Variants in SVIL observed in about 807,000 individuals in gnomAD.
The protein encoded by SVIL is supervillin.
A neutral mutation model predicts 240.4 loss-of-function variants in SVIL; 101 were observed. The ratio of observed to expected loss-of-function variants is 0.42; its 90% CI spans 0.36 to 0.50. The LOEUF (loss-of-function observed/expected upper bound fraction) is 0.50, where lower values mean the gene tolerates loss of function less well. Among genes scored for constraint, SVIL ranks in the 20% least tolerant of loss-of-function variants. The pLI, the probability that SVIL is intolerant of heterozygous loss-of-function variation, is 0.01. For missense variants in SVIL, 2,512 were observed against 2,818.7 expected (o/e 0.89, Z 2.46); for synonymous variants, 999 against 1,100.0 (o/e 0.91, Z 1.82).
At position 29,513,005 on chromosome 10, in the gene SVIL, G is replaced by T. The variant is rs1260365493; in HGVS notation, c.3390-144C>A. 5.4e-5 allele frequency: 68 copies of T among 1,247,966 alleles called. No homozygotes were observed. The East Asian group carries it at 1.3e-3, about 24-fold the overall frequency. The allele number at this position is 1,247,966 out of a possible 1,614,324, so 77.3% of individuals were successfully genotyped here. A position where few individuals can be genotyped will look rare whatever the true frequency, so the allele number is the denominator to read the frequency against. ...TAACATTTTGAATTTCATTTATTCGGAAGACAGCATGTCTGGAAAAATAAT... is the reference window on the plus strand; with the variant it reads ...TAACATTTTGAATTTCATTTATTCGTAAGACAGCATGTCTGGAAAAATAAT... On this transcript the variant is annotated intron_variant, in intron 16 of 37. Coordinates refer to ENST00000355867, the MANE Select transcript of SVIL (RefSeq NM_021738.3).
intron 1 of SVIL, among the ~76,000 whole-genome samples, chr10:29,729,750 CT>C (rs1964507287): frequency 1.4e-5 from 2 of 142,562 alleles, no homozygotes; most frequent in South Asian, 4.7e-4. Context: ...GGGAGAACCG[CT>C]TGAACCCAGG....
chr10:29,517,259 A>C (rs1364935659), intron 16 of SVIL, among the ~76,000 whole-genome samples: 2 of 151,936 alleles, frequency 1.3e-5, no homozygotes, highest in East Asian at 1.9e-4. Flanking sequence ...CAAAAAAATA[A>C]AAATAAAAAA....
At chr10:29,510,520 A>G (rs1321692368) in intron 17 of SVIL, among the ~76,000 whole-genome samples, 1 of 150,694 alleles carries the variant, frequency 6.6e-6, no homozygotes. Flanking sequence ...CTCTCAGCAC[A>G]CAAAAGGAAC....
intron 1 of SVIL, among the ~76,000 whole-genome samples, chr10:29,700,458 TTAC>T: frequency 1.4e-5 from 2 of 145,452 alleles, no homozygotes; most frequent in East Asian, 4.1e-4. Context: ...GAAGAAATTC[TTAC>T]TATTTCCTTT....
chr10:29,557,502 C>A (rs1056886415), intron 3 of SVIL, among the ~76,000 whole-genome samples: 1 of 152,164 alleles, frequency 6.6e-6, no homozygotes, highest in African/African-American at 2.4e-5. Context: ...TTAAGATAGA[C>A]TTTTCTTGGT....
chr10:29,528,781 C>T (rs2132551299), intron 12 of SVIL, among the ~76,000 whole-genome samples: 2 of 152,236 alleles, frequency 1.3e-5, no homozygotes, highest in South Asian at 4.1e-4. Flanking sequence ...AAATTTTTCA[C>T]TTGATTGAAG....
In SVIL at chr10:29,506,399, C is replaced by T. The variant is rs1949275764; in HGVS notation, c.3516+6336G>A. On this transcript the variant is annotated intron_variant, in intron 17 of 37. Transcript: ENST00000355867. ...AGGAACCAGGAGAGTGAGGGAAAGG[C>T]CGCCCCAGGGAGAAGAAGTGGGGAG... Among the ~76,000 whole-genome samples the T allele has an allele frequency of 2.0e-5, 3 of 152,156 alleles. 1 individual carries two copies. In the South Asian group the frequency reaches 6.2e-4, roughly 32 times the overall value.
At chr10:29,530,720 C>T (rs372842415) in intron 10 of SVIL, 52 bp from the exon 11 acceptor site, 1,173 of 1,606,602 alleles carry the variant, frequency 7.3e-4, no homozygotes, top group Admixed American at 1.1e-3. Flanking sequence ...AGGTTAAGTT[C>T]GGTCTCCAAA....
At chr10:29,679,797 A>G (rs374522919) in intron 2 of SVIL, among the ~76,000 whole-genome samples, 82 of 151,872 alleles carry the variant, frequency 5.4e-4, no homozygotes, top group African/African-American at 1.9e-3. Flanking sequence ...CCTTTACAGA[A>G]GTTCGTTTAC....
intron 1 of SVIL, among the ~76,000 whole-genome samples, chr10:29,611,727 T>C (rs1403992788): frequency 6.6e-6 from 1 of 152,072 alleles, no homozygotes; most frequent in Non-Finnish European, 1.5e-5. Context: ...CAAAGGAGCA[T>C]CTCAGAAGCG....
At chr10:29,630,963 T>G (rs1589424268) in intron 1 of SVIL, among the ~76,000 whole-genome samples, 2 of 152,194 alleles carry the variant, frequency 1.3e-5, no homozygotes, top group South Asian at 4.1e-4. Flanking sequence ...AGCACCTCAC[T>G]GGGTACCCTG....
intron 2 of SVIL, among the ~76,000 whole-genome samples, chr10:29,675,816 T>C (rs1245145185): frequency 6.6e-6 from 1 of 152,234 alleles, no homozygotes; most frequent in Non-Finnish European, 1.5e-5. Context: ...ACATGACTGA[T>C]CAGTCCAATT....
At chr10:29,488,117 A>G (rs1947595357) in intron 23 of SVIL, among the ~76,000 whole-genome samples, 1 of 152,126 alleles carries the variant, frequency 6.6e-6, no homozygotes, top group Non-Finnish European at 1.5e-5. Flanking sequence ...AGCGGAATGC[A>G]GGTGGGCTTC....
chr10:29,518,528 G>A (rs139083340), intron 16 of SVIL, among the ~76,000 whole-genome samples: 16 of 152,188 alleles, frequency 1.1e-4, no homozygotes, highest in African/African-American at 3.9e-4. Context: ...CTACAAATGG[G>A]GATAATATTG....
chr10:29,710,743 T>C (rs1963218424), intron 1 of SVIL, among the ~76,000 whole-genome samples: 1 of 152,124 alleles, frequency 6.6e-6, no homozygotes, highest in African/African-American at 2.4e-5. Context: ...TAGAAACCCA[T>C]ACCAATCATA....
At chr10:29,491,375 G>A (rs567070317) in intron 21 of SVIL, among the ~76,000 whole-genome samples, 55 of 152,128 alleles carry the variant, frequency 3.6e-4, no homozygotes, top group Middle Eastern at 3.4e-3. Context: ...CCTAATTCTC[G>A]CTTTGGAATC....
intron 3 of SVIL, among the ~76,000 whole-genome samples, chr10:29,651,739 G>A (rs1008200454): frequency 2.0e-5 from 3 of 151,692 alleles, no homozygotes; most frequent in African/African-American, 7.3e-5. Context: ...ACGTTCAACT[G>A]TCTGCCTAAG....
chr10:29,665,448 T>C (rs1362464868), intron 2 of SVIL, among the ~76,000 whole-genome samples: 2 of 152,112 alleles, frequency 1.3e-5, no homozygotes, highest in African/African-American at 4.8e-5. Flanking sequence ...AAATAAATTA[T>C]TATGCTAGGC....
At position 29,458,302 on chromosome 10, in the gene SVIL, T is replaced by A. The variant is rs1333657470; in HGVS notation, c.6590A>T (p.Asn2197Ile). ...CACCTGCTTCCAGGCGGGCAGGGCGTTGTATTCATCCCTCGTCATGTCTAG... is the reference window on the plus strand; with the variant it reads ...CACCTGCTTCCAGGCGGGCAGGGCGATGTATTCATCCCTCGTCATGTCTAG... Reference protein sequence around the residue: ...FALDMTRDEYNALPAWKQVNL... With the variant: ...FALDMTRDEYIALPAWKQVNL... The change falls in exon 38 of 38, where the codon AAC becomes ATC. Residue 2197 changes from asparagine to isoleucine, a missense_variant. Coordinates refer to ENST00000355867, the MANE Select transcript of SVIL (RefSeq NM_021738.3). 1 of 1,614,096 alleles carries A rather than the reference T, an allele frequency of 6.2e-7. No homozygotes were observed. The highest frequency in any genetic ancestry group is 8.5e-7 in the Non-Finnish European group (1 of 1,180,036).
Sources: allele counts gnomAD v4.1 joint callset (sites outside exome capture counted in the v4.1 genomes callset), GRCh38; gene constraint gnomAD v4.1.1; transcripts MANE v1.5; gene names NCBI Gene and HGNC (gene_info 2026-07-23, HGNC 2026-07-21).